Variants in RBFOX1 observed in about 807,000 individuals in gnomAD.
The protein encoded by RBFOX1 is RNA binding fox-1 homolog 1.
A neutral mutation model predicts 57.7 loss-of-function variants in RBFOX1; 8 were observed. That is an observed-to-expected ratio of 0.14 (90% CI 0.08 to 0.25). The LOEUF (loss-of-function observed/expected upper bound fraction) is 0.25, where lower values mean the gene tolerates loss of function less well. RBFOX1 is among the 10% of genes least tolerant of loss of function. RBFOX1 has a pLI of 1.00. For synonymous variants in RBFOX1, 326 were observed against 222.4 expected (o/e 1.47, Z -4.15); for missense variants, 611 against 548.5 (o/e 1.11, Z -1.14).
At chr16:6,645,080 T>C (rs2098523032) in intron 2 of RBFOX1, among the ~76,000 whole-genome samples, 1 of 152,320 alleles carries the variant, frequency 6.6e-6, no homozygotes, top group East Asian at 1.9e-4. Context: ...TCTTTGCCTC[T>C]TCCAGTGTCT....
chr16:5,483,178 C>G (rs1036636135), intron 2 of RBFOX1, among the ~76,000 whole-genome samples: 1 of 152,144 alleles, frequency 6.6e-6, no homozygotes. Context: ...CCTCGGAGTC[C>G]AGAGTCCTTG....
At chr16:6,379,072 G>C (rs531413025) in intron 2 of RBFOX1, among the ~76,000 whole-genome samples, 39 of 152,260 alleles carry the variant, frequency 2.6e-4, no homozygotes, top group Admixed American at 3.3e-4. Context: ...AGGAGGAGGA[G>C]GAGGATGCCC....
At chr16:5,523,175 A>G (rs1313686061) in intron 2 of RBFOX1, among the ~76,000 whole-genome samples, 2 of 152,050 alleles carry the variant, frequency 1.3e-5, no homozygotes, top group Non-Finnish European at 2.9e-5. Flanking sequence ...AATTCCAGCT[A>G]CTCGGGAGGC....
chr16:6,764,360 C>T (rs1393193795), intron 3 of RBFOX1, among the ~76,000 whole-genome samples: 3 of 152,298 alleles, frequency 2.0e-5, no homozygotes, highest in South Asian at 2.1e-4. Flanking sequence ...GAAATATTTT[C>T]AGTCCTTATG....
intron 1 of RBFOX1, among the ~76,000 whole-genome samples, chr16:5,423,001 GGAA>G (rs2067397298): frequency 8.6e-6 from 1 of 115,608 alleles, no homozygotes; most frequent in African/African-American, 3.4e-5. Flanking sequence ...GAGGAGGGGA[GGAA>G]GGAGGAGAAA....
chr16:6,423,057 C>A (rs1037509307), intron 2 of RBFOX1, among the ~76,000 whole-genome samples: 1 of 152,126 alleles, frequency 6.6e-6, no homozygotes, highest in African/African-American at 2.4e-5. Flanking sequence ...TCCAGGCCAC[C>A]GCTGATGGGC....
At chr16:5,431,639 C>T (rs1013862983) in intron 1 of RBFOX1, among the ~76,000 whole-genome samples, 2 of 152,208 alleles carry the variant, frequency 1.3e-5, no homozygotes, top group Admixed American at 1.3e-4. Flanking sequence ...TCCCAAAGTG[C>T]TGGGGTTACA....
chr16:7,491,328 T>C (rs1212228993), intron 4 of RBFOX1, among the ~76,000 whole-genome samples: 3 of 146,816 alleles, frequency 2.0e-5, no homozygotes, highest in South Asian at 2.3e-4. Flanking sequence ...TGTCATCTTG[T>C]TTTTGGCCTT....
chr16:5,755,607 T>C (rs2053365113), intron 3 of RBFOX1, among the ~76,000 whole-genome samples: 1 of 152,198 alleles, frequency 6.6e-6, no homozygotes, highest in Non-Finnish European at 1.5e-5. Context: ...TGTTTGTTTA[T>C]TTTTTCTTGA....
chr16:6,610,009 A>AAACAAAAC (rs1401183973), intron 2 of RBFOX1, among the ~76,000 whole-genome samples: 2 of 136,544 alleles, frequency 1.5e-5, no homozygotes, highest in Non-Finnish European at 3.1e-5. Flanking sequence ...CTCTGACACA[A>AAACAAAAC]AACAAAACAA....
chr16:6,727,552 G>A (rs911490677), intron 3 of RBFOX1, among the ~76,000 whole-genome samples: 2 of 152,042 alleles, frequency 1.3e-5, no homozygotes, highest in Admixed American at 6.6e-5. Context: ...AGGGGAGAGG[G>A]AACCGTACAA....
intron 2 of RBFOX1, among the ~76,000 whole-genome samples, chr16:6,582,672 T>TC (rs1173507353): frequency 6.6e-6 from 1 of 151,978 alleles, no homozygotes; most frequent in East Asian, 1.9e-4. Flanking sequence ...CCTTTCTTTT[T>TC]CCCTCCACCA....
At chr16:7,444,739 C>T (rs184337424) in intron 4 of RBFOX1, among the ~76,000 whole-genome samples, 15 of 152,224 alleles carry the variant, frequency 9.9e-5, no homozygotes, top group African/African-American at 3.4e-4. Context: ...CCTACGTTGC[C>T]CAGGCTGGTC....
At chr16:7,468,163 TAAA>T (rs1201636170) in intron 4 of RBFOX1, among the ~76,000 whole-genome samples, 12 of 152,124 alleles carry the variant, frequency 7.9e-5, no homozygotes, top group Non-Finnish European at 8.8e-5. Flanking sequence ...ATCTCCACAG[TAAA>T]GTTGCTTGGT....
intron 3 of RBFOX1, among the ~76,000 whole-genome samples, chr16:5,649,460 A>T (rs903360538): frequency 9.2e-5 from 14 of 152,144 alleles, no homozygotes; most frequent in Non-Finnish European, 1.8e-4. Flanking sequence ...ATGAGCCACC[A>T]TGCCGGGTCA....
At chr16:5,704,792 T>C (rs2051181552) in intron 3 of RBFOX1, among the ~76,000 whole-genome samples, 2 of 152,290 alleles carry the variant, frequency 1.3e-5, no homozygotes, top group Middle Eastern at 6.8e-3. Context: ...GCACATATAA[T>C]GACAGGGTGA....
At chr16:7,585,444 C>G (rs533861201) in intron 6 of RBFOX1, among the ~76,000 whole-genome samples, 2 of 152,172 alleles carry the variant, frequency 1.3e-5, no homozygotes, top group Non-Finnish European at 2.9e-5. Flanking sequence ...CAATGTGACC[C>G]CTTTCCATGT....
intron 3 of RBFOX1, among the ~76,000 whole-genome samples, chr16:6,825,233 C>G (rs975788726): frequency 2.7e-5 from 4 of 150,704 alleles, no homozygotes; most frequent in African/African-American, 9.8e-5. Flanking sequence ...ATTAACCTCA[C>G]TGCCCTCTAG....
chr16:5,414,811 G>A (rs575161103), intron 1 of RBFOX1, among the ~76,000 whole-genome samples: 55 of 152,316 alleles, frequency 3.6e-4, no homozygotes, highest in Non-Finnish European at 2.6e-4. Flanking sequence ...AGAGTTGGGG[G>A]TAGGCTGTGT....
Sources: gnomAD v4.1 joint callset for allele counts (sites outside exome capture counted in the v4.1 genomes callset) on GRCh38, gnomAD v4.1.1 for gene constraint, MANE v1.5 for transcripts, NCBI Gene and HGNC (gene_info 2026-07-23, HGNC 2026-07-21) for gene names.